TRMT9B: variants seen among roughly 807,000 people sequenced by gnomAD.
TRMT9B encodes tRNA methyltransferase 9B (putative).
A neutral mutation model predicts 11.5 loss-of-function variants in TRMT9B; 16 were observed. The observed-to-expected ratio is 1.39, with a 90% CI of 0.94 to 2.11. TRMT9B has a LOEUF of 2.11. Among genes scored for constraint, TRMT9B ranks in the 30% most tolerant of loss-of-function variants. The probability of loss-of-function intolerance (pLI) is 0.00; values close to 1 mark genes in which losing one functional copy is unlikely to be tolerated. For missense variants in TRMT9B, 941 were observed against 553.8 expected (o/e 1.70, Z -7.02); for synonymous variants, 274 against 192.4 (o/e 1.42, Z -3.51).
chr8:12,977,541 A>G (rs1348633884), intron 1 of TRMT9B, among the ~76,000 whole-genome samples: 2 of 152,046 alleles, frequency 1.3e-5, no homozygotes, highest in South Asian at 4.1e-4. Context: ...TCTCTACTAA[A>G]AATACAAAAA....
intron 4 of TRMT9B, among the ~76,000 whole-genome samples, chr8:13,018,337 GGC>G (rs141937364): frequency 3.8e-4 from 56 of 149,294 alleles, no homozygotes; most frequent in African/African-American, 1.2e-3. Context: ...AGAAGGCAGA[GGC>G]TGCAGCAAGC....
At chr8:13,008,295 A>G (rs892430221) in intron 3 of TRMT9B, among the ~76,000 whole-genome samples, 1 of 152,228 alleles carries the variant, frequency 6.6e-6, no homozygotes, top group Admixed American at 6.5e-5. Context: ...ACTAGACGGC[A>G]TTTCAGCCCC....
intron 1 of TRMT9B, chr8:12,959,934 C>T (rs983607214): frequency 2.6e-5 from 4 of 152,132 alleles, no homozygotes; most frequent in African/African-American, 9.7e-5. Context: ...TCCAGGTACC[C>T]AGAAAAGTAT....
rs1484566417 is a variant in TRMT9B at position 12,951,994 on chromosome 8, G to A, written c.-200+6028G>A. The A allele has an allele frequency of 4.3e-5, 7 of 162,326 alleles. No individual in the cohort carries two copies. In the South Asian group the frequency reaches 7.7e-4, roughly 18 times the overall value. The allele number at this position is 162,326 out of a possible 1,614,324, so 10.1% of individuals were successfully genotyped here. A position where few individuals can be genotyped will look rare whatever the true frequency, so the allele number is the denominator to read the frequency against. ...TCCCCCACGGCCACGCGCGCACCCT[G>A]CCGCCCGCACCCCCGCGCGCCCTCC... is the stretch of plus-strand genomic sequence containing the variant. On this transcript the variant is annotated intron_variant, in intron 1 of 4. Transcript: ENST00000524591.
intron 1 of TRMT9B, among the ~76,000 whole-genome samples, chr8:12,990,121 G>A (rs1807074218): frequency 6.6e-6 from 1 of 152,210 alleles, no homozygotes; most frequent in African/African-American, 2.4e-5. Flanking sequence ...GTTTGTGGCA[G>A]TGTGGTGAAC....
At chr8:13,011,506 A>G in intron 3 of TRMT9B, 2 of 965,894 alleles carry the variant, frequency 2.1e-6, no homozygotes, top group Non-Finnish European at 2.5e-6. Flanking sequence ...GTACAAATAT[A>G]GGCTCTAATG....
intron 1 of TRMT9B, among the ~76,000 whole-genome samples, chr8:12,980,758 G>A (rs555669006): frequency 6.6e-4 from 101 of 152,286 alleles, no homozygotes; most frequent in African/African-American, 2.3e-3. Flanking sequence ...GTGTTAGGTG[G>A]TGTAGAGGAG....
chr8:13,011,014 C>A, intron 3 of TRMT9B: 1 of 785,492 alleles, frequency 1.3e-6, no homozygotes, highest in Non-Finnish European at 1.5e-6. Flanking sequence ...CAAAATCTAA[C>A]TCTGTCATCA....
rs1448399681 is a variant in TRMT9B at position 13,011,847 on chromosome 8, A to G, written c.155-837A>G. 5.1e-6 allele frequency: 5 copies of G among 972,680 alleles called. No homozygotes were observed. The African/African-American group carries it at 5.3e-5, about 10-fold the overall frequency. 60.3% of individuals were successfully genotyped at this position (972,680 alleles called of 1,614,324 possible). A position where few individuals can be genotyped will look rare whatever the true frequency, so the allele number is the denominator to read the frequency against. Reference sequence around the variant, plus strand: ...AGAGATTGGATAAAAACAATGTTAAAAATTCTTTTCTAATTCAAGTTCAAA... The same window carrying G: ...AGAGATTGGATAAAAACAATGTTAAGAATTCTTTTCTAATTCAAGTTCAAA... On this transcript the variant is annotated intron_variant, in intron 3 of 4. Coordinates refer to ENST00000524591, the MANE Select transcript of TRMT9B (RefSeq NM_020844.3).
intron 4 of TRMT9B, among the ~76,000 whole-genome samples, chr8:13,017,636 C>T (rs550829597): frequency 1.0e-5 from 1 of 95,942 alleles, no homozygotes; most frequent in Non-Finnish European, 1.9e-5. Flanking sequence ...TTTTTTGAGA[C>T]AGTGTCTTAC....
intron 3 of TRMT9B, 187 bp downstream of exon 3, chr8:13,006,543 A>G (rs1020021524): frequency 7.0e-7 from 1 of 1,432,792 alleles, no homozygotes; most frequent in Non-Finnish European, 9.1e-7. Context: ...TTGATTTTTC[A>G]TTTTTGTTCT....
intron 1 of TRMT9B, among the ~76,000 whole-genome samples, chr8:12,988,065 T>G (rs151044941): frequency 6.6e-6 from 1 of 152,366 alleles, no homozygotes; most frequent in East Asian, 1.9e-4. Context: ...TTGCTGTTAT[T>G]GCTGTTGTTA....
intron 4 of TRMT9B, among the ~76,000 whole-genome samples, chr8:13,013,712 G>C (rs560688032): frequency 6.6e-6 from 1 of 152,216 alleles, no homozygotes; most frequent in South Asian, 2.1e-4. Flanking sequence ...CAACCCTTTG[G>C]GAGGCCGAAG....
intron 2 of TRMT9B, among the ~76,000 whole-genome samples, chr8:13,000,426 G>C (rs1380598418): frequency 6.6e-6 from 1 of 152,134 alleles, no homozygotes; most frequent in Non-Finnish European, 1.5e-5. Flanking sequence ...TTAGTTTTCT[G>C]TCACTTTCTG....
intron 2 of TRMT9B, 24 bp from the exon 3 acceptor site, chr8:13,006,159 ATAGGCTGACCTGCATGCCT>A (rs1810416618): frequency 1.3e-6 from 2 of 1,598,296 alleles, no homozygotes; most frequent in Non-Finnish European, 1.7e-6. Context: ...TCTATGGTGC[ATAGGCTGACCTGCATGCCT>A]TGGGTTGGTC....
chr8:12,952,571 A>C (rs1014835844), intron 1 of TRMT9B: 8 of 338,678 alleles, frequency 2.4e-5, no homozygotes, highest in Non-Finnish European at 3.3e-5. Flanking sequence ...TTTTTCATGG[A>C]GTGCACGTGT....
chr8:12,987,128 G>A lies in TRMT9B; in HGVS notation c.-199-3706G>A, dbSNP rs534958032. Among the ~76,000 whole-genome samples the A allele has an allele frequency of 6.2e-4, 94 of 152,252 alleles. 1 individual carries two copies. Among genetic ancestry groups the A allele is most frequent in the African/African-American group, 2.0e-3 (83 of 41,550 alleles). ...TCGCCATCTGTATAGTTAAGAGTGC[G>A]AACGCTAGGGTCAAATTATCTGGGT... On this transcript the variant is annotated intron_variant, in intron 1 of 4. Coordinates refer to ENST00000524591, the MANE Select transcript of TRMT9B (RefSeq NM_020844.3).
intron 2 of TRMT9B, among the ~76,000 whole-genome samples, chr8:12,999,298 C>CAAAAA (rs71207111): frequency 2.3e-4 from 11 of 47,358 alleles, no homozygotes; most frequent in Admixed American, 5.0e-4. Context: ...GACTCCATCT[C>CAAAAA]AAAAAAAAAA....
At chr8:13,000,524 G>C (rs1432256616) in intron 2 of TRMT9B, among the ~76,000 whole-genome samples, 2 of 152,100 alleles carry the variant, frequency 1.3e-5, no homozygotes, top group Non-Finnish European at 2.9e-5. Context: ...TCAATGTCTG[G>C]GATCTCCTCT....
Sources: gnomAD v4.1 joint callset for allele counts (sites outside exome capture counted in the v4.1 genomes callset) on GRCh38, gnomAD v4.1.1 for gene constraint, MANE v1.5 for transcripts, NCBI Gene and HGNC (gene_info 2026-07-23, HGNC 2026-07-21) for gene names.